DDX17: variants seen among roughly 807,000 people sequenced by gnomAD.
The protein encoded by DDX17 is DEAD-box helicase 17.
Under a neutral mutation model 80.8 loss-of-function variants are expected in DDX17, and 10 were observed. That is an observed-to-expected ratio of 0.12 (90% CI 0.08 to 0.21). The LOEUF is 0.21. Ranked by LOEUF, DDX17 falls within the 10% of genes least tolerant of loss-of-function variation. The pLI is 1.00. For missense variants in DDX17, 586 were observed against 957.4 expected (o/e 0.61, Z 5.12); for synonymous variants, 339 against 336.2 (o/e 1.01, Z -0.09).
chr22:38,498,952 T>G (rs1350168670), intron 3 of DDX17, among the ~76,000 whole-genome samples: 1 of 151,738 alleles, frequency 6.6e-6, no homozygotes, highest in Admixed American at 6.6e-5. Flanking sequence ...GCAGAGGAGG[T>G]AGTGAGCTGA....
chr22:38,498,208 A>G, intron 4 of DDX17, 58 bp from the exon 5 acceptor site: 1 of 1,553,986 alleles, frequency 6.4e-7, no homozygotes. Flanking sequence ...TTACTTAGAT[A>G]CTTAGTAATT....
intron 8 of DDX17, 43 bp downstream of exon 8, chr22:38,494,587 G>A: frequency 2.5e-6 from 4 of 1,588,928 alleles, no homozygotes; most frequent in Non-Finnish European, 3.4e-6. Flanking sequence ...TATTAGAAAA[G>A]GTTTATCAGC....
At position 38,498,561 on chromosome 22, in the gene DDX17, T is replaced by C. The variant is rs1232109762; in HGVS notation, c.551A>G (p.Asp184Gly). 6.2e-7 allele frequency: 1 copy of C among 1,614,160 alleles called. No individual in the cohort carries two copies. Among genetic ancestry groups the C allele is most frequent in the Non-Finnish European group, 8.5e-7 (1 of 1,179,998 alleles). ...TGTAAAGTGCTGATCCATCAACACATCCATTACATATTCTGTAAGAGAATT... is the reference window on the plus strand; with the variant it reads ...TGTAAAGTGCTGATCCATCAACACACCCATTACATATTCTGTAAGAGAATT... The change falls in exon 4 of 13, where the codon GAT becomes GGT. Residue 184 changes from aspartate to glycine, a missense_variant. Coordinates refer to ENST00000403230, the MANE Select transcript of DDX17 (RefSeq NM_006386.5).
chr22:38,487,775 C>T (rs188244740), intron 12 of DDX17, 104 bp downstream of exon 12: 10 of 1,181,668 alleles, frequency 8.5e-6, no homozygotes, highest in Non-Finnish European at 1.3e-5. Flanking sequence ...TGCTATTAAG[C>T]AACATACTTA....
chr22:38,486,523 G>A, intron 12 of DDX17, 83 bp from the exon 13 acceptor site: 1 of 1,447,834 alleles, frequency 6.9e-7, no homozygotes, highest in Non-Finnish European at 9.1e-7. Context: ...GGGTACAAAA[G>A]TATTAAACAT....
rs547439489 is a variant in DDX17, at chr22:38,484,326, T to C, written c.*1609A>G. The C allele has an allele frequency of 1.3e-5, 2 of 152,500 alleles. No individual in the cohort carries two copies. Among genetic ancestry groups the C allele is most frequent in the East Asian group, 3.9e-4 (2 of 5,188 alleles). The allele number at this position is 152,500 out of a possible 1,614,324, so 9.4% of individuals were successfully genotyped here. A position where few individuals can be genotyped will look rare whatever the true frequency, so the allele number is the denominator to read the frequency against. Reference sequence around the variant, plus strand: ...AGATGTCAAAGTTTTTACATGCATATATTTCAGCTTATGCTGAAGACCTAC... The same window carrying C: ...AGATGTCAAAGTTTTTACATGCATACATTTCAGCTTATGCTGAAGACCTAC... On this transcript the variant is annotated 3_prime_UTR_variant, in exon 13 of 13. Coordinates refer to ENST00000403230, the MANE Select transcript of DDX17 (RefSeq NM_006386.5).
intron 3 of DDX17, 128 bp downstream of exon 3, chr22:38,499,272 G>A (rs139111197): frequency 2.9e-6 from 2 of 698,336 alleles, no homozygotes; most frequent in East Asian, 2.6e-5. Context: ...CAGAACTGAT[G>A]ACCATAAAAA....
intron 9 of DDX17, 55 bp from the exon 10 acceptor site, chr22:38,493,826 G>A (rs978160386): frequency 3.2e-6 from 5 of 1,545,726 alleles, no homozygotes; most frequent in East Asian, 2.2e-5. Flanking sequence ...GGAGAAAATC[G>A]AACTTTAAAG....
intron 10 of DDX17, among the ~76,000 whole-genome samples, chr22:38,493,144 G>A (rs2089729476): frequency 6.6e-6 from 1 of 152,110 alleles, no homozygotes; most frequent in South Asian, 2.1e-4. Context: ...GCCAAATCTG[G>A]CACAACGCCT....
intron 5 of DDX17, among the ~76,000 whole-genome samples, chr22:38,497,225 G>C (rs568593452): frequency 2.9e-4 from 43 of 146,956 alleles, no homozygotes; most frequent in Admixed American, 1.9e-3. Flanking sequence ...GAAGCCAGGA[G>C]GTGGAGGTTG....
At chr22:38,492,943 A>G (rs976831023) in intron 10 of DDX17, among the ~76,000 whole-genome samples, 1 of 152,226 alleles carries the variant, frequency 6.6e-6, no homozygotes, top group African/African-American at 2.4e-5. Context: ...AATTCTCCCC[A>G]AACGGTAGTT....
In DDX17 at chr22:38,489,721, A is replaced by G. The variant is rs1013906679; in HGVS notation, c.1448-1606T>C. The G allele has an allele frequency of 4.2e-5, 41 of 985,216 alleles. No homozygotes were observed. The highest frequency in any genetic ancestry group is 1.1e-4 in the East Asian group (1 of 8,826). The allele number at this position is 985,216 out of a possible 1,614,324, so 61.0% of individuals were successfully genotyped here. A position where few individuals can be genotyped will look rare whatever the true frequency, so the allele number is the denominator to read the frequency against. On this transcript the variant is annotated intron_variant, in intron 11 of 12. Transcript: ENST00000403230. The surrounding 1 kb of genome is among the most constrained non-coding windows in gnomAD (Gnocchi z 4.6). ...GGCTCCTCGGTCTTTACTGACCCCT[A>G]AAGTCCTGAATCACACCAGAAAGAC...
chr22:38,498,212 A>C, intron 4 of DDX17, 62 bp from the exon 5 acceptor site: 1 of 1,560,176 alleles, frequency 6.4e-7, no homozygotes, highest in Non-Finnish European at 8.8e-7. Flanking sequence ...TTAGATACTT[A>C]GTAATTACTG....
rs2089630219 is a variant in DDX17, at chr22:38,484,139, A to AT, written c.*1795_*1796insA. ...GCCCACAACAGACTGGCCAGTGCTTAGACAAATTTGGGGTTGGGGGGAACA... is the reference window on the plus strand; with the variant it reads ...GCCCACAACAGACTGGCCAGTGCTTATGACAAATTTGGGGTTGGGGGGAACA... On this transcript the variant is annotated 3_prime_UTR_variant, in exon 13 of 13. Coordinates refer to ENST00000403230, the MANE Select transcript of DDX17 (RefSeq NM_006386.5). 1 of 152,236 alleles carries AT rather than the reference A, an allele frequency of 6.6e-6. No homozygotes were observed. The highest frequency in any genetic ancestry group is 1.5e-5 in the Non-Finnish European group (1 of 67,996). The allele number at this position is 152,236 out of a possible 1,614,324, so 9.4% of individuals were successfully genotyped here.
In DDX17 at chr22:38,489,667, G is replaced by A; in HGVS notation, c.1448-1552C>T. 1.0e-6 allele frequency: 1 copy of A among 985,220 alleles called. No homozygotes were observed. Among genetic ancestry groups the A allele is most frequent in the Non-Finnish European group, 1.2e-6 (1 of 829,916 alleles). The allele number at this position is 985,220 out of a possible 1,614,324, so 61.0% of individuals were successfully genotyped here. ...TTGTTACAGGGCTTGTGAAGAAGGG[G>A]CATTATGTCTGTTTCTTATTACAAT... On this transcript the variant is annotated intron_variant, in intron 11 of 12. Transcript: ENST00000403230. The surrounding 1 kb of genome is among the most constrained non-coding windows in gnomAD (Gnocchi z 4.6).
chr22:38,488,239 T>C, intron 11 of DDX17, 124 bp from the exon 12 acceptor site: 1 of 1,585,654 alleles, frequency 6.3e-7, no homozygotes, highest in Non-Finnish European at 8.6e-7. Flanking sequence ...AAGGTGAAGT[T>C]AGTAACCACT....
At chr22:38,504,404 G>A (rs992762587) in intron 1 of DDX17, among the ~76,000 whole-genome samples, 2 of 152,138 alleles carry the variant, frequency 1.3e-5, no homozygotes, top group African/African-American at 4.8e-5. Context: ...GGATCCTGGG[G>A]TACCTGTGCA....
intron 11 of DDX17, chr22:38,490,412 T>C: frequency 7.8e-7 from 1 of 1,289,376 alleles, no homozygotes; most frequent in Non-Finnish European, 1.0e-6. Flanking sequence ...ATGTATTGAG[T>C]GATCTGCAGC....
rs1355906454 is a variant in DDX17 at position 38,489,990 on chromosome 22, A to T, written c.1448-1875T>A. 1 of 1,017,050 alleles carries T rather than the reference A, an allele frequency of 9.8e-7. No individual in the cohort carries two copies. Among genetic ancestry groups the T allele is most frequent in the African/African-American group, 1.7e-5 (1 of 57,968 alleles). The allele number at this position is 1,017,050 out of a possible 1,614,324, so 63.0% of individuals were successfully genotyped here. A position where few individuals can be genotyped will look rare whatever the true frequency, so the allele number is the denominator to read the frequency against. ...GTGTGCTTTCCTAGCAGAAAGCACCAGGGTGGAGTCAACAGTTCACATGCT... is the reference window on the plus strand; with the variant it reads ...GTGTGCTTTCCTAGCAGAAAGCACCTGGGTGGAGTCAACAGTTCACATGCT... On this transcript the variant is annotated intron_variant, in intron 11 of 12. Coordinates refer to ENST00000403230, the MANE Select transcript of DDX17 (RefSeq NM_006386.5). The surrounding 1 kb of genome is among the most constrained non-coding windows in gnomAD (Gnocchi z 4.6).
Sources: allele counts gnomAD v4.1 joint callset (sites outside exome capture counted in the v4.1 genomes callset), GRCh38; gene constraint gnomAD v4.1.1; non-coding constraint Gnocchi (gnomAD v3.1); transcripts MANE v1.5; gene names NCBI Gene and HGNC (gene_info 2026-07-23, HGNC 2026-07-21).